The following CNTN4 variants were observed in gnomAD, a reference collection of about 807,000 sequenced individuals.
The protein encoded by CNTN4 is contactin 4.
A neutral mutation model predicts 122.5 loss-of-function variants in CNTN4; 77 were observed. That is an observed-to-expected ratio of 0.63 (90% CI 0.52 to 0.76). The LOEUF is 0.76. Among genes scored for constraint, CNTN4 ranks in the 30% least tolerant of loss-of-function variants. The probability of loss-of-function intolerance (pLI) is 0.00; values close to 1 mark genes in which losing one functional copy is unlikely to be tolerated. For synonymous variants in CNTN4, 512 were observed against 447.0 expected (o/e 1.15, Z -1.83); for missense variants, 1,256 against 1,259.1 (o/e 1.00, Z 0.04).
intron 6 of CNTN4, among the ~76,000 whole-genome samples, chr3:2,754,799 A>G (rs938972920): frequency 1.3e-5 from 2 of 152,014 alleles, no homozygotes; most frequent in African/African-American, 4.8e-5. Context: ...GTAACACAAT[A>G]AATCACTCCA....
At chr3:2,801,784 T>A (rs1221127242) in intron 6 of CNTN4, among the ~76,000 whole-genome samples, 1 of 150,816 alleles carries the variant, frequency 6.6e-6, no homozygotes, top group Non-Finnish European at 1.5e-5. Flanking sequence ...AGTGTTTTTT[T>A]ATTCTGGTCC....
At chr3:2,112,826 G>A (rs1016767515) in intron 2 of CNTN4, among the ~76,000 whole-genome samples, 2 of 152,040 alleles carry the variant, frequency 1.3e-5, no homozygotes, top group African/African-American at 4.8e-5. Context: ...AATTCCTGGA[G>A]AGAGACCCCC....
intron 6 of CNTN4, among the ~76,000 whole-genome samples, chr3:2,775,197 T>G (rs890686880): frequency 2.2e-4 from 34 of 152,218 alleles, no homozygotes; most frequent in African/African-American, 7.5e-4. Context: ...TTTAGGGAAT[T>G]GCATTGGCTT....
intron 3 of CNTN4, among the ~76,000 whole-genome samples, chr3:2,381,867 T>A (rs2046036141): frequency 6.6e-6 from 1 of 152,110 alleles, no homozygotes; most frequent in South Asian, 2.1e-4. Context: ...GAATTTGAAA[T>A]TTTTCTATGA....
At chr3:2,666,833 A>G (rs2084197598) in intron 4 of CNTN4, among the ~76,000 whole-genome samples, 1 of 147,588 alleles carries the variant, frequency 6.8e-6, no homozygotes, top group African/African-American at 2.5e-5. Flanking sequence ...GAGTGCGAAC[A>G]CACGGTGTTT....
intron 6 of CNTN4, among the ~76,000 whole-genome samples, chr3:2,785,089 A>G (rs1224341346): frequency 1.3e-5 from 2 of 151,626 alleles, no homozygotes; most frequent in Non-Finnish European, 2.9e-5. Context: ...TTCTATTTGT[A>G]TATAAGTACA....
chr3:2,447,964 A>G (rs1360177790), intron 3 of CNTN4, among the ~76,000 whole-genome samples: 1 of 152,184 alleles, frequency 6.6e-6, no homozygotes, highest in Non-Finnish European at 1.5e-5. Flanking sequence ...AAAAGATAGA[A>G]TCAAGCCTTA....
intron 13 of CNTN4, among the ~76,000 whole-genome samples, chr3:2,935,566 A>G (rs188824378): frequency 2.0e-5 from 3 of 152,308 alleles, no homozygotes. Context: ...AATATCTGTC[A>G]CGTATCTCCC....
intron 2 of CNTN4, among the ~76,000 whole-genome samples, chr3:2,300,613 C>G (rs2042470557): frequency 8.1e-6 from 1 of 123,498 alleles, no homozygotes; most frequent in Non-Finnish European, 1.6e-5. Context: ...TGCTCTGTCT[C>G]CAGGCTGGAG....
chr3:2,195,988 T>C (rs1169242669), intron 2 of CNTN4, among the ~76,000 whole-genome samples: 2 of 152,344 alleles, frequency 1.3e-5, no homozygotes, highest in African/African-American at 4.8e-5. Context: ...GTTTGTCTGA[T>C]CCATTTTTGA....
intron 7 of CNTN4, among the ~76,000 whole-genome samples, chr3:2,852,391 CTGA>C (rs1188008222): frequency 6.6e-6 from 1 of 152,114 alleles, no homozygotes; most frequent in African/African-American, 2.4e-5. Flanking sequence ...CTGACCTGAT[CTGA>C]TAATATTAAG....
chr3:2,179,579 T>C (rs1298728739), intron 2 of CNTN4, among the ~76,000 whole-genome samples: 1 of 152,028 alleles, frequency 6.6e-6, no homozygotes, highest in Non-Finnish European at 1.5e-5. Flanking sequence ...AACACCGCCA[T>C]TAGCAATTTT....
intron 2 of CNTN4, among the ~76,000 whole-genome samples, chr3:2,199,233 A>G (rs1050301786): frequency 1.3e-5 from 2 of 152,188 alleles, no homozygotes; most frequent in African/African-American, 4.8e-5. Context: ...AACCTCCTGC[A>G]TGAAGGATTC....
chr3:2,772,129 G>A (rs1199516807), intron 6 of CNTN4, among the ~76,000 whole-genome samples: 1 of 152,102 alleles, frequency 6.6e-6, no homozygotes, highest in Non-Finnish European at 1.5e-5. Flanking sequence ...ATCTTTTGGT[G>A]GCTGACGATC....
rs151171822 is a variant in CNTN4 at position 2,715,360 on chromosome 3, G to A, written c.56-20855G>A. Among the ~76,000 whole-genome samples, 1,363 of 152,258 alleles carry A rather than the reference G, an allele frequency of 9.0e-3. 12 individuals carry two copies. The highest frequency in any genetic ancestry group is 0.031 in the African/African-American group (1,297 of 41,556). Reference sequence around the variant, plus strand: ...CTTATAATTTGGAAATTTCTTCATAGCATCATTATAATGTGAGGCAGTATG... The same window carrying A: ...CTTATAATTTGGAAATTTCTTCATAACATCATTATAATGTGAGGCAGTATG... On this transcript the variant is annotated intron_variant, in intron 4 of 24. Coordinates refer to ENST00000418658, the MANE Select transcript of CNTN4 (RefSeq NM_175607.3).
chr3:2,412,292 C>G (rs1387682603), intron 3 of CNTN4, among the ~76,000 whole-genome samples: 1 of 151,614 alleles, frequency 6.6e-6, no homozygotes, highest in African/African-American at 2.4e-5. Flanking sequence ...ACTCTTGTTG[C>G]CCAGGCTGGA....
At chr3:2,384,041 T>C (rs1207084192) in intron 3 of CNTN4, among the ~76,000 whole-genome samples, 1 of 152,050 alleles carries the variant, frequency 6.6e-6, no homozygotes. Flanking sequence ...CTTGAAAAAA[T>C]TATATTCTCT....
intron 3 of CNTN4, among the ~76,000 whole-genome samples, chr3:2,542,192 A>C (rs752789742): frequency 7.9e-5 from 12 of 152,138 alleles, no homozygotes; most frequent in Admixed American, 3.3e-4. Flanking sequence ...AGATCAGCAA[A>C]GATGCTAGAA....
intron 14 of CNTN4, among the ~76,000 whole-genome samples, chr3:3,018,595 G>T (rs1697989006): frequency 6.6e-6 from 1 of 152,126 alleles, no homozygotes; most frequent in Non-Finnish European, 1.5e-5. Context: ...TGGCAGATTG[G>T]TTATACTGAA....
Sources: allele counts gnomAD v4.1 joint callset (sites outside exome capture counted in the v4.1 genomes callset), GRCh38; gene constraint gnomAD v4.1.1; transcripts MANE v1.5; gene names NCBI Gene and HGNC (gene_info 2026-07-23, HGNC 2026-07-21).